The following TRIP4 variants were observed in gnomAD, a reference collection of about 807,000 sequenced individuals.
TRIP4 encodes thyroid hormone receptor interactor 4, also known as activating signal cointegrator 1.
Under a neutral mutation model 81.8 loss-of-function variants are expected in TRIP4, and 54 were observed. That is an observed-to-expected ratio of 0.66 (90% CI 0.53 to 0.83). TRIP4 has a LOEUF of 0.83. Among genes scored for constraint, TRIP4 ranks in the 40% least tolerant of loss-of-function variants. The pLI, the probability that TRIP4 is intolerant of heterozygous loss-of-function variation, is 0.00. For synonymous variants in TRIP4, 270 were observed against 242.8 expected (o/e 1.11, Z -1.04); for missense variants, 662 against 683.6 (o/e 0.97, Z 0.35).
chr15:64,414,623 T>C (rs189701548), intron 8 of TRIP4, among the ~76,000 whole-genome samples: 1 of 147,654 alleles, frequency 6.8e-6, no homozygotes, highest in East Asian at 2.2e-4. Context: ...TTCAAGCTAT[T>C]CTCCTGCTTC....
intron 8 of TRIP4, 22 bp from the exon 9 acceptor site, chr15:64,418,519 G>A (rs780139180): frequency 6.3e-7 from 1 of 1,598,724 alleles, no homozygotes; most frequent in African/African-American, 1.3e-5. Context: ...AGATAGAACT[G>A]TATGTTTGTT....
At chr15:64,403,565 G>A (rs1891560744) in intron 5 of TRIP4, among the ~76,000 whole-genome samples, 1 of 152,158 alleles carries the variant, frequency 6.6e-6, no homozygotes, top group East Asian at 1.9e-4. Flanking sequence ...GTTTTATATC[G>A]ACAGATTTGT....
intron 10 of TRIP4, 182 bp downstream of exon 10, chr15:64,424,337 C>T (rs1892090941): frequency 5.4e-6 from 4 of 744,814 alleles, no homozygotes; most frequent in African/African-American, 1.8e-5. Flanking sequence ...TCTGTCAAAA[C>T]AGTGCAAATA....
intron 2 of TRIP4, 51 bp downstream of exon 2, chr15:64,394,166 T>A (rs1384315402): frequency 2.8e-6 from 4 of 1,437,562 alleles, no homozygotes. Flanking sequence ...GTGGGCAGGC[T>A]TAAAGAATTA....
rs1175695690 is a variant in TRIP4, at chr15:64,424,083, G to A, written c.1411G>A (p.Ala471Thr). 6.2e-7 allele frequency: 1 copy of A among 1,614,154 alleles called. No individual in the cohort carries two copies. ...CCACAGAGGACGACTTTGGATAGCA[G>A]CCACAGCTAAAAAACCCTCCCCTCA... Reference protein sequence around the residue: ...TPHRGRLWIAATAKKPSPQEV... With the variant: ...TPHRGRLWIATTAKKPSPQEV... Residue 471 changes from alanine (A) to threonine (T), a missense_variant, in exon 10 of 13, where the codon GCC (alanine) becomes ACC (threonine). Ala to Thr is a moderately conservative substitution (Grantham distance 58). Transcript: ENST00000261884.
intron 4 of TRIP4, among the ~76,000 whole-genome samples, chr15:64,399,501 A>G (rs1891436752): frequency 6.6e-6 from 1 of 151,572 alleles, no homozygotes; most frequent in African/African-American, 2.4e-5. Context: ...TTGGCCTTGA[A>G]GTTTGTTTGT....
At chr15:64,403,410 C>G (rs1465511777) in intron 5 of TRIP4, among the ~76,000 whole-genome samples, 2 of 150,196 alleles carry the variant, frequency 1.3e-5, no homozygotes, top group African/African-American at 4.9e-5. Flanking sequence ...CCACCCGCCT[C>G]GGCCTCCCAA....
chr15:64,406,000 G>A lies in TRIP4; in HGVS notation c.698-330G>A, dbSNP rs866743881. On this transcript the variant is annotated intron_variant, in intron 5 of 12. Transcript: ENST00000261884. ...GCATTAGATCCTGTCTTGAAAAAACGTATATTTAAAGGTAATATTGAGCAA... is the reference window on the plus strand; with the variant it reads ...GCATTAGATCCTGTCTTGAAAAAACATATATTTAAAGGTAATATTGAGCAA... Among the ~76,000 whole-genome samples the A allele has an allele frequency of 3.9e-5, 6 of 152,146 alleles. No homozygotes were observed. The South Asian group carries it at 8.3e-4, about 21-fold the overall frequency.
intron 9 of TRIP4, among the ~76,000 whole-genome samples, chr15:64,421,616 A>G (rs896638683): frequency 4.3e-4 from 66 of 152,150 alleles, no homozygotes; most frequent in African/African-American, 1.5e-3. Context: ...GATTACAGAC[A>G]TGAGCCACCA....
intron 11 of TRIP4, among the ~76,000 whole-genome samples, chr15:64,435,497 A>G (rs796773515): frequency 2.7e-5 from 4 of 147,834 alleles, no homozygotes; most frequent in African/African-American, 9.9e-5. Context: ...CTGCATTCCA[A>G]CCTGGGCGAC....
At chr15:64,414,512 CTTTTT>C (rs869202504) in intron 8 of TRIP4, among the ~76,000 whole-genome samples, 14 of 87,058 alleles carry the variant, frequency 1.6e-4, no homozygotes, top group East Asian at 1.2e-3. Flanking sequence ...TGCTCTTTCT[CTTTTT>C]TTTTTTTTTT....
chr15:64,392,739 C>G (rs1009702842), intron 1 of TRIP4, among the ~76,000 whole-genome samples: 1 of 152,064 alleles, frequency 6.6e-6, no homozygotes, highest in Non-Finnish European at 1.5e-5. Context: ...CTCAGCCTCC[C>G]AAGTAGCTAG....
chr15:64,450,834 G>A, intron 12 of TRIP4: 1 of 428,812 alleles, frequency 2.3e-6, no homozygotes, highest in Non-Finnish European at 4.8e-6. Flanking sequence ...GATCTTACCT[G>A]AGCTGGTCTC....
intron 11 of TRIP4, among the ~76,000 whole-genome samples, chr15:64,443,077 T>C (rs978501712): frequency 6.6e-6 from 1 of 152,018 alleles, no homozygotes; most frequent in South Asian, 2.1e-4. Flanking sequence ...AAGAATGATT[T>C]TGATGGAATG....
intron 12 of TRIP4, among the ~76,000 whole-genome samples, chr15:64,450,252 G>C (rs1053584389): frequency 6.6e-6 from 1 of 152,136 alleles, no homozygotes; most frequent in Non-Finnish European, 1.5e-5. Flanking sequence ...AGCCAGACGT[G>C]GTGGCAGGTG....
In TRIP4 at chr15:64,406,366, A is replaced by C. The variant is rs1358404644; in HGVS notation, c.734A>C (p.Lys245Thr). 1.9e-6 allele frequency: 3 copies of C among 1,614,200 alleles called. No individual in the cohort carries two copies. Among genetic ancestry groups the C allele is most frequent in the Non-Finnish European group, 2.5e-6 (3 of 1,180,034 alleles). Residue 245 changes from lysine to threonine, a missense_variant, in exon 6 of 13, where the codon AAG becomes ACG. Lys to Thr is a moderately conservative substitution (Grantham distance 78). Transcript: ENST00000261884. ...ENSGKVDIST[K>T]DLLPHQELRI... is the part of the protein sequence containing the mutation. ...TCTGGAAAGGTGGACATCTCTACCA[A>C]GGACCTTCTTCCTCATCAAGAATTG...
chr15:64,450,770 C>A (rs957631118), intron 12 of TRIP4: 1 of 455,746 alleles, frequency 2.2e-6, no homozygotes, highest in Non-Finnish European at 4.4e-6. Flanking sequence ...TAGACATCAT[C>A]ATTGAAGCCA....
chr15:64,435,455 G>A (rs1892369749), intron 11 of TRIP4, among the ~76,000 whole-genome samples: 1 of 150,898 alleles, frequency 6.6e-6, no homozygotes, highest in African/African-American at 2.4e-5. Flanking sequence ...GAACCTGGGT[G>A]GCGGAGGTTG....
chr15:64,397,090 G>C (rs987338734), intron 3 of TRIP4, among the ~76,000 whole-genome samples: 1 of 152,112 alleles, frequency 6.6e-6, no homozygotes, highest in Non-Finnish European at 1.5e-5. Context: ...TTTTGTTTGA[G>C]ATAGGATCTC....
Sources: gnomAD v4.1 joint callset for allele counts (sites outside exome capture counted in the v4.1 genomes callset) on GRCh38, gnomAD v4.1.1 for gene constraint, MANE v1.5 for transcripts, NCBI Gene and HGNC (gene_info 2026-07-23, HGNC 2026-07-21) for gene names.